The following ANGPT1 variants were observed in gnomAD, a reference collection of about 807,000 sequenced individuals.
ANGPT1 encodes angiopoietin-1.
ANGPT1 carries 17 observed loss-of-function variants against 62.2 expected under a neutral mutation model. That is an observed-to-expected ratio of 0.27 (90% CI 0.19 to 0.41). The LOEUF (loss-of-function observed/expected upper bound fraction) is 0.41. Ranked by LOEUF, ANGPT1 falls within the 10% of genes least tolerant of loss-of-function variation. The pLI is 1.00. For synonymous variants in ANGPT1, 199 were observed against 198.9 expected, an observed-to-expected ratio of 1.00 and a Z score of 0.00; for missense variants, 478 against 594.9, an observed-to-expected ratio of 0.80 and a Z score of 2.04.
At chr8:107,300,248 T>G (rs1032761282) in intron 5 of ANGPT1, among the ~76,000 whole-genome samples, 2 of 150,892 alleles carry the variant, frequency 1.3e-5, no homozygotes, top group Admixed American at 1.3e-4. Flanking sequence ...ATTTTGTTAA[T>G]CAGCTTGTAA....
chr8:107,376,967 T>G (rs963188222), intron 1 of ANGPT1, among the ~76,000 whole-genome samples: 1 of 152,152 alleles, frequency 6.6e-6, no homozygotes, highest in Non-Finnish European at 1.5e-5. Flanking sequence ...TTTTTTTTCT[T>G]CTAATGCTTG....
intron 1 of ANGPT1, among the ~76,000 whole-genome samples, chr8:107,406,813 C>T (rs958392721): frequency 1.0e-4 from 15 of 150,294 alleles, no homozygotes; most frequent in African/African-American, 2.9e-4. Flanking sequence ...ATTGTTACTA[C>T]GTAAGTCATC....
At chr8:107,452,073 C>T (rs575433033) in intron 1 of ANGPT1, among the ~76,000 whole-genome samples, 3 of 151,256 alleles carry the variant, frequency 2.0e-5, no homozygotes, top group Non-Finnish European at 4.4e-5. Flanking sequence ...CCACAAGTTC[C>T]GTATAGAATG....
chr8:107,260,181 A>C (rs1813459622), intron 8 of ANGPT1, among the ~76,000 whole-genome samples: 1 of 152,086 alleles, frequency 6.6e-6, no homozygotes, highest in African/African-American at 2.4e-5. Flanking sequence ...CTTTCAGTTA[A>C]GCCTATTTCC....
intron 7 of ANGPT1, among the ~76,000 whole-genome samples, chr8:107,282,553 CATAT>C (rs753412026): frequency 0.082 from 4,172 of 50,864 alleles, 147 homozygotes; most frequent in Non-Finnish European, 0.1. Context: ...ATATATGAAC[CATAT>C]ATATATATAT....
intron 1 of ANGPT1, among the ~76,000 whole-genome samples, chr8:107,478,010 T>C (rs952549278): frequency 2.0e-5 from 3 of 150,204 alleles, no homozygotes; most frequent in Admixed American, 6.6e-5. Flanking sequence ...GCTGCTTCGG[T>C]AGTAAAAAAT....
At chr8:107,352,789 T>G (rs1815960787) in intron 1 of ANGPT1, among the ~76,000 whole-genome samples, 2 of 152,172 alleles carry the variant, frequency 1.3e-5, no homozygotes, top group Admixed American at 6.5e-5. Flanking sequence ...CATATGGCAT[T>G]ACTCAGTTAT....
At chr8:107,354,436 A>G (rs1400569600) in intron 1 of ANGPT1, among the ~76,000 whole-genome samples, 4 of 152,162 alleles carry the variant, frequency 2.6e-5, no homozygotes, top group Non-Finnish European at 5.9e-5. Flanking sequence ...TAAGTTCTTC[A>G]TCTATGAAAT....
At chr8:107,328,884 T>C (rs1168737758) in intron 3 of ANGPT1, among the ~76,000 whole-genome samples, 1 of 151,920 alleles carries the variant, frequency 6.6e-6, no homozygotes, top group Non-Finnish European at 1.5e-5. Flanking sequence ...ACATCACTAA[T>C]TATAGTTTTG....
At chr8:107,262,096 G>A (rs1342886607) in intron 8 of ANGPT1, among the ~76,000 whole-genome samples, 1 of 152,136 alleles carries the variant, frequency 6.6e-6, no homozygotes, top group Non-Finnish European at 1.5e-5. Flanking sequence ...TCAGGAGGCT[G>A]AGGCAAGATA....
intron 1 of ANGPT1, among the ~76,000 whole-genome samples, chr8:107,392,609 T>C (rs1204124594): frequency 2.0e-5 from 3 of 152,186 alleles, no homozygotes; most frequent in African/African-American, 7.2e-5. Context: ...TTTGTTTATG[T>C]CATTTTTGCC....
At chr8:107,293,847 A>T in intron 6 of ANGPT1, 89 bp downstream of exon 6, 1 of 977,076 alleles carries the variant, frequency 1.0e-6, no homozygotes, top group Non-Finnish European at 1.5e-6. Context: ...ACTCAAAACC[A>T]CCTAAAAATA....
chr8:107,489,556 A>G (rs1812902511), intron 1 of ANGPT1, among the ~76,000 whole-genome samples: 1 of 152,188 alleles, frequency 6.6e-6, no homozygotes, highest in South Asian at 2.1e-4. Context: ...AAAAATTCAG[A>G]TTATTTGAGC....
intron 1 of ANGPT1, among the ~76,000 whole-genome samples, chr8:107,466,394 T>A (rs2130487578): frequency 1.3e-5 from 2 of 152,146 alleles, no homozygotes; most frequent in Middle Eastern, 6.8e-3. Context: ...ATTCTATGGC[T>A]GGCAAGAATA....
intron 7 of ANGPT1, 95 bp downstream of exon 7, chr8:107,284,587 G>A: frequency 2.6e-6 from 3 of 1,152,222 alleles, no homozygotes; most frequent in Non-Finnish European, 3.4e-6. Context: ...TCATTTTGAA[G>A]GATGATTTTC....
At chr8:107,255,490 C>A (rs188534733) in intron 8 of ANGPT1, among the ~76,000 whole-genome samples, 1 of 152,270 alleles carries the variant, frequency 6.6e-6, no homozygotes, top group East Asian at 1.9e-4. Flanking sequence ...AGTTAGAAGA[C>A]CCAGACTTTT....
At chr8:107,385,509 A>T (rs1320684525) in intron 1 of ANGPT1, among the ~76,000 whole-genome samples, 1 of 152,136 alleles carries the variant, frequency 6.6e-6, no homozygotes, top group East Asian at 1.9e-4. Flanking sequence ...GAAGTTGTTT[A>T]TCAGATCTAA....
intron 1 of ANGPT1, among the ~76,000 whole-genome samples, chr8:107,424,777 C>T (rs1810993178): frequency 6.6e-6 from 1 of 152,134 alleles, no homozygotes; most frequent in African/African-American, 2.4e-5. Context: ...TTCTCAGAAT[C>T]CTATGAGGAA....
At position 107,319,245 on chromosome 8, in the gene ANGPT1, G is replaced by C. The variant is rs1358590448; in HGVS notation, c.808+2651C>G. On this transcript the variant is annotated intron_variant, in intron 4 of 8. Coordinates refer to ENST00000517746, the MANE Select transcript of ANGPT1 (RefSeq NM_001146.5). ...ATACATGATGAGACAGCTTCCTTAA[G>C]GTTAAACTGGTTGCCAATGACAGGG... Among the ~76,000 whole-genome samples the C allele has an allele frequency of 2.0e-5, 3 of 152,040 alleles. No homozygotes were observed. In the East Asian group the frequency reaches 5.8e-4, roughly 29 times the overall value.
Sources: allele counts gnomAD v4.1 joint callset (sites outside exome capture counted in the v4.1 genomes callset), GRCh38; gene constraint gnomAD v4.1.1; transcripts MANE v1.5; gene names NCBI Gene and HGNC (gene_info 2026-07-23, HGNC 2026-07-21).